Variants in OR8B2 observed in about 807,000 individuals in gnomAD.
The protein encoded by OR8B2 is olfactory receptor family 8 subfamily B member 2, also known as olfactory receptor 8B2.
For synonymous variants in OR8B2, 98 were observed against 138.2 expected, an observed-to-expected ratio of 0.71 and a Z score of 2.04; for missense variants, 304 against 379.6, an observed-to-expected ratio of 0.80 and a Z score of 1.65.
chr11:124,387,182 C>T (rs74898862), upstream of OR8B2, among the ~76,000 whole-genome samples: 5,999 of 110,260 alleles, frequency 0.054, 135 homozygotes, highest in African/African-American at 0.12. Flanking sequence ...GAGTAGGTTG[C>T]GAAAATTTTC....
chr11:124,389,471 C>T (rs1361986851), upstream of OR8B2, among the ~76,000 whole-genome samples: 1 of 152,096 alleles, frequency 6.6e-6, no homozygotes, highest in Non-Finnish European at 1.5e-5. Context: ...TTCTTGTATG[C>T]TGGACAAAGT....
upstream of OR8B2, chr11:124,384,580 A>T (rs1860663123): frequency 6.9e-6 from 1 of 144,246 alleles, no homozygotes; most frequent in South Asian, 2.2e-4. Context: ...CAAACTATTT[A>T]TAAATTTGCC....
the OR8B2 span, among the ~76,000 whole-genome samples, chr11:124,392,979 T>A: frequency 6.9e-6 from 1 of 145,408 alleles, no homozygotes; most frequent in Non-Finnish European, 1.5e-5. Context: ...AACTATCTGA[T>A]CTTTGACAAA....
At chr11:124,384,555 T>A (rs902815361), upstream of OR8B2, 2 of 152,196 alleles carry the variant, frequency 1.3e-5, no homozygotes, top group African/African-American at 2.4e-5. Context: ...CTGGGAATCA[T>A]TCTGAGGTGT....
intron 1 of OR8B2, among the ~76,000 whole-genome samples, chr11:124,384,022 A>G (rs950013376): frequency 6.6e-6 from 1 of 150,518 alleles, no homozygotes; most frequent in Non-Finnish European, 1.5e-5. Context: ...CATAAGGGAA[A>G]CATAATTAAT....
At position 124,382,580 on chromosome 11, in the gene OR8B2, G is replaced by A. The variant is rs148976324; in HGVS notation, c.764C>T (p.Ala255Val). The change falls in exon 2 of 2, where the codon GCG (alanine) becomes GTG (valine). Residue 255 changes from alanine to valine, a missense_variant. Coordinates refer to ENST00000641451, the MANE Select transcript of OR8B2 (RefSeq NM_001005468.2). Reference protein sequence around the residue: ...VIALSLFFGSAAFMYIKYSSG... With the variant: ...VIALSLFFGSVAFMYIKYSSG... ...AGAATATTTAATATACATGAATGCC[G>A]CTGACCCAAAAAACAGAGACAGAGC... 307 of 1,612,442 alleles carry A rather than the reference G, an allele frequency of 1.9e-4. 1 individual carries two copies. The African/African-American group carries it at 2.2e-3, about 12-fold the overall frequency.
At position 124,382,605 on chromosome 11, in the gene OR8B2, C is replaced by T; in HGVS notation, c.739G>A (p.Ala247Thr). ...GCTGACCCAAAAAACAGAGACAGAGCAATGACATGAGAGCTACAAGTACTG... is the reference window on the plus strand; with the variant it reads ...GCTGACCCAAAAAACAGAGACAGAGTAATGACATGAGAGCTACAAGTACTG... Reference protein sequence around the residue: ...AFSTCSSHVIALSLFFGSAAF... With the variant: ...AFSTCSSHVITLSLFFGSAAF... Residue 247 changes from alanine to threonine, a missense_variant, in exon 2 of 2, where the codon GCT (alanine) becomes ACT (threonine). Coordinates refer to ENST00000641451, the MANE Select transcript of OR8B2 (RefSeq NM_001005468.2). The T allele has an allele frequency of 6.2e-7, 1 of 1,612,338 alleles. No individual in the cohort carries two copies. The highest frequency in any genetic ancestry group is 8.5e-7 in the Non-Finnish European group (1 of 1,179,124).
upstream of OR8B2, among the ~76,000 whole-genome samples, chr11:124,387,254 T>C (rs1248885854): frequency 6.6e-6 from 1 of 152,276 alleles, no homozygotes; most frequent in African/African-American, 2.4e-5. Context: ...CAGAAGCTCT[T>C]TAGTTTAATT....
In OR8B2 at chr11:124,382,805, T is replaced by A; in HGVS notation, c.539A>T (p.Asp180Val). Residue 180 changes from aspartate to valine, a missense_variant, in exon 2 of 2, where the codon GAC (aspartate) becomes GTC (valine). Transcript: ENST00000641451. ...GGAAAGCTGGAGGAGGGGGAGTATGTCACACAAGTAATGGTTGATGATATT... is the reference window on the plus strand; with the variant it reads ...GGAAAGCTGGAGGAGGGGGAGTATGACACACAAGTAATGGTTGATGATATT... ...SANIINHYLC[D>V]ILPLLQLSCT... The A allele has an allele frequency of 6.2e-7, 1 of 1,603,328 alleles. No individual in the cohort carries two copies. Among genetic ancestry groups the A allele is most frequent in the East Asian group, 2.2e-5 (1 of 44,810 alleles).
chr11:124,390,776 T>C, the OR8B2 span, among the ~76,000 whole-genome samples: 1 of 151,706 alleles, frequency 6.6e-6, no homozygotes, highest in African/African-American at 2.4e-5. Context: ...TTTTTTCCTT[T>C]GGGGCTTAGT....
chr11:124,386,635 A>T (rs185050747), upstream of OR8B2, among the ~76,000 whole-genome samples: 1,234 of 151,350 alleles, frequency 8.2e-3, 2 homozygotes, highest in Non-Finnish European at 0.012. Flanking sequence ...CACGTGCCAC[A>T]TTTTCTTAAT....
chr11:124,383,400 TC>T (rs2134191006), intron 1 of OR8B2, 40 bp from the exon 2 acceptor site: 1 of 1,474,324 alleles, frequency 6.8e-7, no homozygotes, highest in South Asian at 1.3e-5. Context: ...AACACAGATT[TC>T]TTTTTACAAA....
chr11:124,382,411 A>G lies in OR8B2; in HGVS notation c.933T>C (p.Asn311=). ...TCATTACTGCTTCTAATTAGAATAT[A>G]TTTCTCCTCTGAATTTTAATCAGAG... is the stretch of plus-strand genomic sequence containing the variant. The part of the protein sequence containing the change: ...RKALIKIQRR[N]IF Residue 311 remains asparagine (N), a synonymous_variant, in exon 2 of 2, where the codon AAT becomes AAC. Transcript: ENST00000641451. 1.2e-6 allele frequency: 2 copies of G among 1,602,422 alleles called. No individual in the cohort carries two copies. Among genetic ancestry groups the G allele is most frequent in the African/African-American group, 1.3e-5 (1 of 74,242 alleles).
upstream of OR8B2, among the ~76,000 whole-genome samples, chr11:124,388,250 T>C: frequency 7.1e-6 from 1 of 141,820 alleles, no homozygotes; most frequent in Non-Finnish European, 1.5e-5. Flanking sequence ...ATACCCTTTA[T>C]TTCCTTCTCC....
chr11:124,396,240 C>A, the OR8B2 span: 2 of 634,712 alleles, frequency 3.2e-6, no homozygotes, highest in Non-Finnish European at 5.2e-6. Flanking sequence ...TGAGAAGTGC[C>A]AGAGATGCAA....
At chr11:124,390,011 C>T in the OR8B2 span, among the ~76,000 whole-genome samples, 7 of 152,190 alleles carry the variant, frequency 4.6e-5, no homozygotes, top group Middle Eastern at 3.4e-3. Flanking sequence ...GGATGCATAA[C>T]CAGATTCTCA....
At chr11:124,387,097 A>T (rs1158387822), upstream of OR8B2, among the ~76,000 whole-genome samples, 5 of 151,974 alleles carry the variant, frequency 3.3e-5, no homozygotes, top group East Asian at 9.7e-4. Flanking sequence ...CCACTTTTTG[A>T]TGGGGTTGTT....
the OR8B2 span, among the ~76,000 whole-genome samples, chr11:124,393,819 G>T: frequency 6.6e-6 from 1 of 150,992 alleles, no homozygotes; most frequent in Non-Finnish European, 1.5e-5. Flanking sequence ...TGTTTATTGT[G>T]GCACTATTCA....
At chr11:124,396,706 T>A in the OR8B2 span, 1 of 1,613,744 alleles carries the variant, frequency 6.2e-7, no homozygotes, top group Non-Finnish European at 8.5e-7. Context: ...ACATAAGAAA[T>A]GAGGATGGTA....
Sources: allele counts gnomAD v4.1 joint callset (sites outside exome capture counted in the v4.1 genomes callset), GRCh38; gene constraint gnomAD v4.1.1; transcripts MANE v1.5; gene names NCBI Gene and HGNC (gene_info 2026-07-23, HGNC 2026-07-21).